Variants in GRID2 observed in about 807,000 individuals in gnomAD.
GRID2 encodes glutamate receptor ionotropic, delta-2.
A neutral mutation model predicts 114.8 loss-of-function variants in GRID2; 33 were observed. The observed-to-expected ratio is 0.29, with a 90% CI of 0.22 to 0.38. The LOEUF (loss-of-function observed/expected upper bound fraction) is 0.38. Ranked by LOEUF, GRID2 falls within the 10% of genes least tolerant of loss-of-function variation. The pLI is 1.00. For synonymous variants in GRID2, 505 were observed against 449.9 expected (o/e 1.12, Z -1.55); for missense variants, 1,184 against 1,257.7 (o/e 0.94, Z 0.89).
rs573122149 is a variant in GRID2, at chr4:92,842,089, T to G, written c.245-242906T>G. 2.0e-5 allele frequency among the ~76,000 whole-genome samples: 3 copies of G among 152,222 alleles called. 1 individual carries two copies. The South Asian group carries it at 6.2e-4, about 32-fold the overall frequency. On this transcript the variant is annotated intron_variant, in intron 2 of 15. Coordinates refer to ENST00000282020, the MANE Select transcript of GRID2 (RefSeq NM_001510.4). ...CATCTCTCTAAATACGATGGTTAGA[T>G]TTTTAAGAATGCTGCATGATGCTAT...
At chr4:93,487,338 T>A (rs1726514160) in intron 11 of GRID2, among the ~76,000 whole-genome samples, 1 of 151,940 alleles carries the variant, frequency 6.6e-6, no homozygotes, top group Admixed American at 6.6e-5. Context: ...TTTAACTTGC[T>A]GATTTTTTTC....
At chr4:93,156,116 T>A (rs959754407) in intron 4 of GRID2, among the ~76,000 whole-genome samples, 5 of 151,766 alleles carry the variant, frequency 3.3e-5, no homozygotes, top group African/African-American at 1.2e-4. Context: ...ATACCCATAA[T>A]AATTAAAAAT....
chr4:92,988,707 A>G (rs576381408), intron 2 of GRID2, among the ~76,000 whole-genome samples: 1 of 152,298 alleles, frequency 6.6e-6, no homozygotes, highest in South Asian at 2.1e-4. Flanking sequence ...CCTATCCTAG[A>G]AGTAATTAAA....
chr4:92,403,741 TAAAG>T (rs1336548317), intron 1 of GRID2, among the ~76,000 whole-genome samples: 1 of 130,756 alleles, frequency 7.6e-6, no homozygotes, highest in Non-Finnish European at 1.7e-5. Flanking sequence ...AATAAATAAA[TAAAG>T]TGAGAGACAT....
chr4:92,593,047 A>C (rs1011300634), intron 2 of GRID2, among the ~76,000 whole-genome samples: 10 of 152,038 alleles, frequency 6.6e-5, no homozygotes, highest in Admixed American at 1.3e-4. Flanking sequence ...GTCTGTTTTC[A>C]TTTTTTTACA....
chr4:92,728,475 C>T (rs1414624544), intron 2 of GRID2, among the ~76,000 whole-genome samples: 5 of 152,012 alleles, frequency 3.3e-5, no homozygotes, highest in Admixed American at 6.6e-5. Flanking sequence ...CTCAGTCCTT[C>T]ACCACGTGGG....
intron 4 of GRID2, among the ~76,000 whole-genome samples, chr4:93,157,738 A>T (rs1459779192): frequency 1.3e-5 from 2 of 151,574 alleles, no homozygotes; most frequent in African/African-American, 2.4e-5. Flanking sequence ...ACTCTTCTGT[A>T]CTCACTTTGA....
At chr4:92,911,505 C>T (rs148529904) in intron 2 of GRID2, among the ~76,000 whole-genome samples, 9 of 151,824 alleles carry the variant, frequency 5.9e-5, no homozygotes, top group African/African-American at 1.7e-4. Flanking sequence ...ATTCTTACCA[C>T]GTGTATGCTG....
intron 2 of GRID2, among the ~76,000 whole-genome samples, chr4:92,709,587 A>ATAT (rs1296707680): frequency 1.2e-3 from 140 of 119,870 alleles, no homozygotes; most frequent in African/African-American, 4.3e-3. Context: ...AAAAAAAAAA[A>ATAT]AAATATATAT....
intron 8 of GRID2, among the ~76,000 whole-genome samples, chr4:93,250,334 G>A (rs550381781): frequency 1.3e-5 from 2 of 151,936 alleles, no homozygotes; most frequent in Non-Finnish European, 2.9e-5. Flanking sequence ...ATCACACACT[G>A]GGGCCTGTCA....
At chr4:92,978,481 T>G (rs2149183438) in intron 2 of GRID2, among the ~76,000 whole-genome samples, 1 of 152,146 alleles carries the variant, frequency 6.6e-6, no homozygotes, top group South Asian at 2.1e-4. Context: ...TTATTTCCAT[T>G]TTTGCTGCTG....
At chr4:92,703,617 T>TTATATATATATATATA (rs3971001) in intron 2 of GRID2, among the ~76,000 whole-genome samples, 106 of 140,970 alleles carry the variant, frequency 7.5e-4, no homozygotes, top group African/African-American at 1.7e-3. Context: ...AGGAAAAACA[T>TTATATATATATATATA]TATATATATA....
Position 93,113,038 on chromosome 4 carries a change from G to A in GRID2, c.735+2085G>A, listed in dbSNP as rs775848835. 1.5e-4 allele frequency among the ~76,000 whole-genome samples: 23 copies of A among 152,212 alleles called. No individual in the cohort carries two copies. In the Middle Eastern group the frequency reaches 0.017, roughly 113 times the overall value. On this transcript the variant is annotated intron_variant, in intron 4 of 15. Coordinates refer to ENST00000282020, the MANE Select transcript of GRID2 (RefSeq NM_001510.4). Reference sequence around the variant, plus strand: ...TAAATTTGAGAAGGAGGTAGTGATGGCACAACTTTACCCATAACAGTTACC... The same window carrying A: ...TAAATTTGAGAAGGAGGTAGTGATGACACAACTTTACCCATAACAGTTACC...
intron 2 of GRID2, among the ~76,000 whole-genome samples, chr4:92,684,821 T>G (rs1192079190): frequency 6.6e-6 from 1 of 152,092 alleles, no homozygotes; most frequent in Admixed American, 6.5e-5. Context: ...TTTAGACTTA[T>G]GAAATATCCC....
At chr4:93,338,160 C>A (rs1329218632) in intron 8 of GRID2, among the ~76,000 whole-genome samples, 1 of 151,808 alleles carries the variant, frequency 6.6e-6, no homozygotes, top group Non-Finnish European at 1.5e-5. Flanking sequence ...TTTTTTGCTA[C>A]AATACATAAC....
chr4:92,583,970 T>A (rs1407324943), intron 1 of GRID2, among the ~76,000 whole-genome samples: 1 of 151,240 alleles, frequency 6.6e-6, no homozygotes, highest in East Asian at 1.9e-4. Context: ...ATTGTAATGA[T>A]ATCCCACTGA....
chr4:93,322,988 C>T lies in GRID2; in HGVS notation c.1246-72619C>T, dbSNP rs186237588. Among the ~76,000 whole-genome samples, 443 of 152,130 alleles carry T rather than the reference C, an allele frequency of 2.9e-3. 2 individuals are homozygous for T. The highest frequency in any genetic ancestry group is 0.01 in the African/African-American group (426 of 41,532). Reference sequence around the variant, plus strand: ...TAGACTGCAAAAATTTTCTCCTATTCTGTAGGTTGCCTGTTCACTCTGATG... The same window carrying T: ...TAGACTGCAAAAATTTTCTCCTATTTTGTAGGTTGCCTGTTCACTCTGATG... On this transcript the variant is annotated intron_variant, in intron 8 of 15. Transcript: ENST00000282020.
At chr4:92,547,670 CT>C (rs35940787) in intron 1 of GRID2, among the ~76,000 whole-genome samples, 128 of 149,050 alleles carry the variant, frequency 8.6e-4, no homozygotes, top group Middle Eastern at 3.5e-3. Context: ...TGAAAAGGAA[CT>C]TTTTTTTTTT....
intron 8 of GRID2, among the ~76,000 whole-genome samples, chr4:93,264,731 G>A (rs1359007624): frequency 1.4e-5 from 1 of 69,066 alleles, no homozygotes. Flanking sequence ...TATATCATTT[G>A]AATTATATAT....
Sources: gnomAD v4.1 joint callset for allele counts (sites outside exome capture counted in the v4.1 genomes callset) on GRCh38, gnomAD v4.1.1 for gene constraint, MANE v1.5 for transcripts, NCBI Gene and HGNC (gene_info 2026-07-23, HGNC 2026-07-21) for gene names.